Variants in CCDC92B observed in about 807,000 individuals in gnomAD.
CCDC92B encodes coiled-coil domain-containing 92B.
In CCDC92B, 2 loss-of-function variants were observed where a neutral mutation model predicts 5.6. That is an observed-to-expected ratio of 0.36 (90% CI 0.15 to 1.12). The LOEUF is 1.12. Ranked by LOEUF, CCDC92B falls within the 50% of genes most tolerant of loss-of-function variation. The pLI, the probability that CCDC92B is intolerant of heterozygous loss-of-function variation, is 0.40. For synonymous variants in CCDC92B, 115 were observed against 122.3 expected (o/e 0.94, Z 0.39); for missense variants, 271 against 262.2 (o/e 1.03, Z -0.23).
chr17:2,737,476 T>C (rs1432046661), intron 1 of CCDC92B, among the ~76,000 whole-genome samples: 2 of 126,248 alleles, frequency 1.6e-5, no homozygotes, highest in Admixed American at 1.6e-4. Context: ...TTTTTTTTTT[T>C]TTTTTTTTTT....
chr17:2,749,247 C>G (rs905246246), intron 1 of CCDC92B, among the ~76,000 whole-genome samples, 164 bp downstream of exon 1: 1 of 152,072 alleles, frequency 6.6e-6, no homozygotes, highest in Admixed American at 6.6e-5. Flanking sequence ...CGGTGGAGGA[C>G]AACTTCTGCC....
intron 2 of CCDC92B, among the ~76,000 whole-genome samples, chr17:2,732,762 T>C (rs1270819896): frequency 3.4e-5 from 5 of 146,890 alleles, no homozygotes; most frequent in South Asian, 2.2e-4. Context: ...GCCTGTAATC[T>C]CAGCACTTTG....
At chr17:2,727,004 G>T (rs560901544) in intron 3 of CCDC92B, among the ~76,000 whole-genome samples, 1 of 150,542 alleles carries the variant, frequency 6.6e-6, no homozygotes, top group Non-Finnish European at 1.5e-5. Context: ...ACCTGGGCTT[G>T]AGTAATTCTC....
Position 2,725,132 on chromosome 17 carries a change from G to C in CCDC92B, c.179-132C>G. Reference sequence around the variant, plus strand: ...TCATTTCTGCAATCCCAGCACTTTGGGAGGCCGAGATGGGCAGATGGACTT... The same window carrying C: ...TCATTTCTGCAATCCCAGCACTTTGCGAGGCCGAGATGGGCAGATGGACTT... On this transcript the variant is annotated intron_variant, in intron 3 of 3. Coordinates refer to ENST00000614400, the MANE Select transcript of CCDC92B (RefSeq NM_001355573.2). 4.1e-6 allele frequency: 4 copies of C among 985,170 alleles called. No homozygotes were observed. The South Asian group carries it at 1.9e-4, about 46-fold the overall frequency. The allele number at this position is 985,170 out of a possible 1,614,324, so 61.0% of individuals were successfully genotyped here.
intron 1 of CCDC92B, among the ~76,000 whole-genome samples, chr17:2,744,417 C>T (rs2070962980): frequency 6.6e-6 from 1 of 152,012 alleles, no homozygotes; most frequent in Non-Finnish European, 1.5e-5. Context: ...CCTCGAACTC[C>T]TGGTCTCAAG....
chr17:2,734,347 A>G (rs916210489), intron 2 of CCDC92B, among the ~76,000 whole-genome samples: 1 of 151,858 alleles, frequency 6.6e-6, no homozygotes, highest in Admixed American at 6.6e-5. Context: ...GTCCTGCTTG[A>G]TTTCTGCTCT....
intron 3 of CCDC92B, among the ~76,000 whole-genome samples, chr17:2,725,264 T>C (rs1322947262): frequency 6.6e-6 from 1 of 151,632 alleles, no homozygotes; most frequent in Admixed American, 6.6e-5. Context: ...GCGCCTGTAA[T>C]CCCAGCTACT....
chr17:2,724,633 G>C lies in CCDC92B; in HGVS notation c.546C>G (p.Ala182=). ...AGTCCCGGCCGGGGCCCTTGGCGGC[G>C]GCCTCGTGGGCAGCAGGCGGGCGGC... ...RARRPPAAHE[A]AAKGPGRDWA... The change falls in exon 4 of 4, where the codon GCC becomes GCG. Residue 182 remains alanine, a synonymous_variant. Transcript: ENST00000614400. The surrounding 1 kb of genome is among the most constrained non-coding windows in gnomAD (Gnocchi z 5.0). 1.0e-6 allele frequency: 1 copy of C among 981,686 alleles called. No individual in the cohort carries two copies. 60.8% of individuals were successfully genotyped at this position (981,686 alleles called of 1,614,324 possible).
intron 1 of CCDC92B, among the ~76,000 whole-genome samples, chr17:2,746,523 C>T (rs2070988733): frequency 6.6e-6 from 1 of 152,018 alleles, no homozygotes; most frequent in African/African-American, 2.4e-5. Context: ...ACCTTCTGAC[C>T]CTGGCACAGT....
chr17:2,727,499 G>T (rs2070742509), intron 3 of CCDC92B, among the ~76,000 whole-genome samples: 1 of 152,206 alleles, frequency 6.6e-6, no homozygotes, highest in East Asian at 1.9e-4. Context: ...GGCAAAGAGT[G>T]ACCCTGGAAG....
At chr17:2,740,524 A>G (rs916263533) in intron 1 of CCDC92B, among the ~76,000 whole-genome samples, 4 of 151,712 alleles carry the variant, frequency 2.6e-5, no homozygotes, top group African/African-American at 4.9e-5. Context: ...TTAGCTGGGC[A>G]TGGTGACAGG....
At chr17:2,728,355 C>T (rs2070756747) in intron 3 of CCDC92B, among the ~76,000 whole-genome samples, 2 of 151,440 alleles carry the variant, frequency 1.3e-5, no homozygotes, top group African/African-American at 2.4e-5. Context: ...TGCCTGTAAT[C>T]CCAGCACTTT....
chr17:2,742,676 T>C (rs910842565), intron 1 of CCDC92B, among the ~76,000 whole-genome samples: 2 of 152,204 alleles, frequency 1.3e-5, no homozygotes, highest in African/African-American at 4.8e-5. Flanking sequence ...CTGTAAATAC[T>C]ATTTATATGC....
At chr17:2,740,079 C>T (rs1450625975) in intron 1 of CCDC92B, among the ~76,000 whole-genome samples, 1 of 152,032 alleles carries the variant, frequency 6.6e-6, no homozygotes, top group African/African-American at 2.4e-5. Flanking sequence ...AGAGGGGAAC[C>T]TGCTTTAGAT....
intron 2 of CCDC92B, among the ~76,000 whole-genome samples, chr17:2,732,881 C>T (rs949815412): frequency 4.0e-5 from 6 of 151,710 alleles, no homozygotes; most frequent in South Asian, 4.2e-4. Flanking sequence ...GGCGTGTTGG[C>T]AGGCGCCTGT....
chr17:2,725,988 CTTTTTTTTTT>C (rs565583381), intron 3 of CCDC92B, among the ~76,000 whole-genome samples: 2 of 78,240 alleles, frequency 2.6e-5, no homozygotes, highest in Non-Finnish European at 4.5e-5. Context: ...TTTATCACGT[CTTTTTTTTTT>C]TTTTTTTTTT....
At chr17:2,748,021 G>T in intron 1 of CCDC92B, 2 of 456,208 alleles carry the variant, frequency 4.4e-6, no homozygotes. Flanking sequence ...CTCAGTATCT[G>T]CAACTACAGT....
chr17:2,732,462 A>G (rs1207136682), intron 2 of CCDC92B, among the ~76,000 whole-genome samples: 2 of 152,174 alleles, frequency 1.3e-5, no homozygotes, highest in Non-Finnish European at 2.9e-5. Context: ...CATGCCTGTA[A>G]AGCCAGCACT....
Position 2,724,163 on chromosome 17 carries a change from G to T in CCDC92B, c.*248C>A. ...AGGATCGGGACGGCGAGTCCTCTCG[G>T]TAGAGAAGGTGCCCCCGCTCGGCCC... On this transcript the variant is annotated 3_prime_UTR_variant, in exon 4 of 4. Transcript: ENST00000614400. This position sits in a 1 kb window ranked among gnomAD's most constrained non-coding sequence, Gnocchi z 5.0. 1 of 985,398 alleles carries T rather than the reference G, an allele frequency of 1.0e-6. No homozygotes were observed. The highest frequency in any genetic ancestry group is 1.2e-6 in the Non-Finnish European group (1 of 829,910). 61.0% of individuals were successfully genotyped at this position (985,398 alleles called of 1,614,324 possible).
Sources: allele counts gnomAD v4.1 joint callset (sites outside exome capture counted in the v4.1 genomes callset), GRCh38; gene constraint gnomAD v4.1.1; non-coding constraint Gnocchi (gnomAD v3.1); transcripts MANE v1.5; gene names NCBI Gene and HGNC (gene_info 2026-07-23, HGNC 2026-07-21).